NEURL1: variants seen among roughly 807,000 people sequenced by gnomAD.
NEURL1 encodes the protein neuralized E3 ubiquitin protein ligase 1.
Under a neutral mutation model 41.2 loss-of-function variants are expected in NEURL1, and 26 were observed. The ratio of observed to expected loss-of-function variants is 0.63; its 90% CI spans 0.46 to 0.87. The LOEUF (loss-of-function observed/expected upper bound fraction) is 0.87. Among genes scored for constraint, NEURL1 ranks in the 40% least tolerant of loss-of-function variants. NEURL1 has a pLI of 0.00. For missense variants in NEURL1, 761 were observed against 871.1 expected, an observed-to-expected ratio of 0.87 and a Z score of 1.59; for synonymous variants, 400 against 402.3, an observed-to-expected ratio of 0.99 and a Z score of 0.07.
chr10:103,513,436 G>T (rs1401246892), intron 1 of NEURL1, among the ~76,000 whole-genome samples: 1 of 152,230 alleles, frequency 6.6e-6, no homozygotes, highest in East Asian at 1.9e-4. Flanking sequence ...CCTGCCCCAG[G>T]GTGTGGCCTG....
intron 1 of NEURL1, among the ~76,000 whole-genome samples, chr10:103,533,260 A>C (rs1435691796): frequency 3.3e-5 from 5 of 151,770 alleles, no homozygotes; most frequent in Admixed American, 2.6e-4. Flanking sequence ...CTGTAATACA[A>C]ATATTTGATT....
intron 1 of NEURL1, among the ~76,000 whole-genome samples, chr10:103,533,659 C>T (rs2034623755): frequency 6.6e-6 from 1 of 152,162 alleles, no homozygotes; most frequent in Non-Finnish European, 1.5e-5. Flanking sequence ...GCCTCAGCCT[C>T]CTGAGTAGCT....
intron 1 of NEURL1, among the ~76,000 whole-genome samples, chr10:103,519,143 A>G (rs1205134912): frequency 6.6e-6 from 1 of 152,074 alleles, no homozygotes; most frequent in Non-Finnish European, 1.5e-5. Flanking sequence ...GCTACTCGGG[A>G]GGCTAAGGCA....
At chr10:103,565,384 G>A (rs748764568) in intron 1 of NEURL1, among the ~76,000 whole-genome samples, 16 of 152,206 alleles carry the variant, frequency 1.1e-4, no homozygotes, top group Admixed American at 2.6e-4. Context: ...AGACAGGCAC[G>A]GTAATCAGTG....
intron 1 of NEURL1, among the ~76,000 whole-genome samples, chr10:103,543,480 C>T (rs993141048): frequency 6.6e-6 from 1 of 152,228 alleles, no homozygotes; most frequent in African/African-American, 2.4e-5. Context: ...ACCATCGGCT[C>T]CAGGCTTTCA....
intron 1 of NEURL1, among the ~76,000 whole-genome samples, chr10:103,528,392 A>G (rs1350441241): frequency 6.6e-6 from 1 of 151,652 alleles, no homozygotes; most frequent in Non-Finnish European, 1.5e-5. Context: ...AAAATTAGCC[A>G]GGTGTGGTGG....
rs768004747 is a variant in NEURL1, at chr10:103,571,776, G to A, written c.603G>A (p.Trp201Ter). The stretch of plus-strand genomic sequence containing the variant: ...GGGTCCGCACGGCCGACCCGCTCTG[G>A]GCCCTGGTGGACGTCTACGGCCTCA... ...FSGVRTADPLWALVDVYGLTR... is the reference protein window; with the variant it reads ...FSGVRTADPL The change falls in exon 3 of 6, where the codon TGG becomes TGA. Residue 201 changes from tryptophan (W) to a stop codon, truncating the protein, a stop_gained. Transcript: ENST00000369780. LOFTEE classifies it high-confidence loss of function. 6.1e-5 allele frequency: 99 copies of A among 1,613,368 alleles called. No homozygotes were observed. The highest frequency in any genetic ancestry group is 1.3e-5 in the Non-Finnish European group (15 of 1,179,674).
chr10:103,522,472 G>A (rs1210315807), intron 1 of NEURL1, among the ~76,000 whole-genome samples: 11 of 151,066 alleles, frequency 7.3e-5, no homozygotes, highest in Admixed American at 5.3e-4. Context: ...AAAATTAGCC[G>A]GGTGTGGTGG....
chr10:103,503,959 TTTTATTTATTTATTTATTTATTTA>T (rs56135179), intron 1 of NEURL1, among the ~76,000 whole-genome samples: 38 of 136,096 alleles, frequency 2.8e-4, no homozygotes, highest in African/African-American at 1.0e-3. Context: ...CTGGCTAGTA[TTTTATTTATTTATTTATTTATTTA>T]TTTATTTATT....
intron 1 of NEURL1, among the ~76,000 whole-genome samples, chr10:103,563,573 T>C (rs1429281557): frequency 6.6e-6 from 1 of 152,106 alleles, no homozygotes; most frequent in Non-Finnish European, 1.5e-5. Flanking sequence ...CAGCTGGGCC[T>C]TGAAAGATGG....
chr10:103,590,452 C>T lies in NEURL1; in HGVS notation c.*80C>T, dbSNP rs1452267655. ...CAGCTGAGGAACAAGCCAGTGGGGC[C>T]CCTTCTCTTCCTCATTTTGGAAACT... On this transcript the variant is annotated 3_prime_UTR_variant, in exon 6 of 6. Coordinates refer to ENST00000369780, the MANE Select transcript of NEURL1 (RefSeq NM_004210.5). 5 of 1,129,484 alleles carry T rather than the reference C, an allele frequency of 4.4e-6. No homozygotes were observed. In the East Asian group the frequency reaches 1.2e-4, roughly 27 times the overall value. 70.0% of individuals were successfully genotyped at this position (1,129,484 alleles called of 1,614,324 possible). A position where few individuals can be genotyped will look rare whatever the true frequency, so the allele number is the denominator to read the frequency against.
intron 1 of NEURL1, among the ~76,000 whole-genome samples, chr10:103,497,899 A>G (rs1179404314): frequency 2.0e-5 from 3 of 152,158 alleles, no homozygotes; most frequent in Non-Finnish European, 2.9e-5. Flanking sequence ...GAGGTCAGAC[A>G]AGGGGTATCA....
At chr10:103,573,425 G>A (rs2035591045) in intron 3 of NEURL1, among the ~76,000 whole-genome samples, 1 of 152,146 alleles carries the variant, frequency 6.6e-6, no homozygotes, top group Non-Finnish European at 1.5e-5. Flanking sequence ...GGGGCTAAAT[G>A]CTTTCTCGGG....
At chr10:103,540,200 T>A (rs2034789561) in intron 1 of NEURL1, among the ~76,000 whole-genome samples, 2 of 152,368 alleles carry the variant, frequency 1.3e-5, no homozygotes, top group South Asian at 2.1e-4. Context: ...GTCAGCTGTA[T>A]TGCATATATG....
intron 1 of NEURL1, among the ~76,000 whole-genome samples, chr10:103,537,900 T>C (rs1033824381): frequency 6.6e-6 from 1 of 152,028 alleles, no homozygotes; most frequent in African/African-American, 2.4e-5. Context: ...TACTCCTCCC[T>C]GCTGCACCCC....
In NEURL1 at chr10:103,566,782, C is replaced by T. The variant is rs56915068; in HGVS notation, c.86-4090C>T. On this transcript the variant is annotated intron_variant, in intron 1 of 5. Transcript: ENST00000369780. The surrounding 1 kb of genome is among the most constrained non-coding windows in gnomAD (Gnocchi z 4.2). ...AGAAACTGCCAAACCATTCTCAACA[C>T]TGGCTTTCCAGGTTGTGTCGTGTCC... 9.7e-3 allele frequency among the ~76,000 whole-genome samples: 1,475 copies of T among 152,244 alleles called. 25 individuals are homozygous for T. The highest frequency in any genetic ancestry group is 0.034 in the African/African-American group (1,419 of 41,518).
chr10:103,553,349 G>A (rs756691105), intron 1 of NEURL1, among the ~76,000 whole-genome samples: 5 of 152,186 alleles, frequency 3.3e-5, no homozygotes, highest in Non-Finnish European at 7.4e-5. Context: ...CTCCTTGTCA[G>A]ACTGACTTAG....
intron 1 of NEURL1, among the ~76,000 whole-genome samples, chr10:103,548,881 C>G (rs1244827739): frequency 1.3e-5 from 2 of 152,172 alleles, no homozygotes; most frequent in Non-Finnish European, 2.9e-5. Context: ...CCTGTCCAAC[C>G]TGAAGACCAG....
Position 103,570,991 on chromosome 10 carries a change from A to G in NEURL1, c.205A>G (p.Thr69Ala). The change falls in exon 2 of 6, where the codon ACC becomes GCC. Residue 69 changes from threonine (T) to alanine (A), a missense_variant. By Grantham distance (58) the Thr-to-Ala change is moderately conservative. Coordinates refer to ENST00000369780, the MANE Select transcript of NEURL1 (RefSeq NM_004210.5). ...CACGCCGCTGCTCTTCCACCCGCACACCAAGGGCTCCCAGATCCTCATGGA... is the reference window on the plus strand; with the variant it reads ...CACGCCGCTGCTCTTCCACCCGCACGCCAAGGGCTCCCAGATCCTCATGGA... Reference protein sequence around the residue: ...PATPLLFHPHTKGSQILMDLS... With the variant: ...PATPLLFHPHAKGSQILMDLS... The G allele has an allele frequency of 6.2e-7, 1 of 1,613,936 alleles. No individual in the cohort carries two copies. The highest frequency in any genetic ancestry group is 1.6e-4 in the Middle Eastern group (1 of 6,062).
Sources: allele counts gnomAD v4.1 joint callset (sites outside exome capture counted in the v4.1 genomes callset), GRCh38; gene constraint gnomAD v4.1.1; non-coding constraint Gnocchi (gnomAD v3.1); transcripts MANE v1.5; gene names NCBI Gene and HGNC (gene_info 2026-07-23, HGNC 2026-07-21).